CABLES1: variants seen among roughly 807,000 people sequenced by gnomAD.
The protein encoded by CABLES1 is Cdk5 and Abl enzyme substrate 1, also known as CDK5 and ABL1 enzyme substrate 1.
Under a neutral mutation model 57.8 loss-of-function variants are expected in CABLES1, and 36 were observed. The ratio of observed to expected loss-of-function variants is 0.62; its 90% CI spans 0.48 to 0.82. The LOEUF (loss-of-function observed/expected upper bound fraction) is 0.82, where lower values mean the gene tolerates loss of function less well. CABLES1 is among the 40% of genes least tolerant of loss of function. The probability of loss-of-function intolerance (pLI) is 0.00; values close to 1 mark genes in which losing one functional copy is unlikely to be tolerated. For synonymous variants in CABLES1, 374 were observed against 363.0 expected, an observed-to-expected ratio of 1.03 and a Z score of -0.35; for missense variants, 767 against 836.6, an observed-to-expected ratio of 0.92 and a Z score of 1.03.
intron 2 of CABLES1, among the ~76,000 whole-genome samples, chr18:23,190,889 A>T (rs2047237825): frequency 6.6e-6 from 1 of 152,092 alleles, no homozygotes; most frequent in Non-Finnish European, 1.5e-5. Context: ...AGCCTGGGCA[A>T]TGTAGTGAGA....
In CABLES1 at chr18:23,136,148, C is replaced by T. The variant is rs2046818724; in HGVS notation, c.386C>T (p.Ala129Val). ...CIALAAPGTP[A>V]AGLAAGSGPC... is the part of the protein sequence containing the mutation. ...GCGCTCGCCGCGCCGGGCACGCCGG[C>T]TGCGGGGTTAGCCGCTGGGTCCGGC... is the stretch of plus-strand genomic sequence containing the variant. The change falls in exon 1 of 10, where the codon GCT (alanine) becomes GTT (valine). Residue 129 changes from alanine (A) to valine (V), a missense_variant. Coordinates refer to ENST00000256925, the MANE Select transcript of CABLES1 (RefSeq NM_001100619.3). 1 of 1,207,840 alleles carries T rather than the reference C, an allele frequency of 8.3e-7. No homozygotes were observed. Among genetic ancestry groups the T allele is most frequent in the Admixed American group, 4.4e-5 (1 of 22,670 alleles). 74.8% of individuals were successfully genotyped at this position (1,207,840 alleles called of 1,614,324 possible). A position where few individuals can be genotyped will look rare whatever the true frequency, so the allele number is the denominator to read the frequency against.
At chr18:23,189,311 C>T (rs992754157) in intron 2 of CABLES1, 3 of 174,414 alleles carry the variant, frequency 1.7e-5, no homozygotes, top group South Asian at 1.3e-4. Context: ...ACCACGATGT[C>T]GCTCCCTGGC....
rs746668866 is a variant in CABLES1 at position 23,188,825 on chromosome 18, C to T, written c.846-13C>T. Reference sequence around the variant, plus strand: ...GCAGTTTTAACTCCCAGATTTTTTCCTTCTTTCTGCAGACGGCGCCTCATC... The same window carrying T: ...GCAGTTTTAACTCCCAGATTTTTTCTTTCTTTCTGCAGACGGCGCCTCATC... On this transcript the variant is annotated splice_polypyrimidine_tract_variant and intron_variant, in intron 1 of 9. Coordinates refer to ENST00000256925, the MANE Select transcript of CABLES1 (RefSeq NM_001100619.3). 5 of 1,611,238 alleles carry T rather than the reference C, an allele frequency of 3.1e-6. No individual in the cohort carries two copies. Among genetic ancestry groups the T allele is most frequent in the South Asian group, 2.2e-5 (2 of 91,026 alleles).
Position 23,257,003 on chromosome 18 carries a change from A to G in CABLES1, c.1762-224A>G, listed in dbSNP as rs182128940. ...AGGATTAAATGATGTCATAAGATGTATGTGTGGTTCCGGGCAGCCCCTCGG... is the reference window on the plus strand; with the variant it reads ...AGGATTAAATGATGTCATAAGATGTGTGTGTGGTTCCGGGCAGCCCCTCGG... On this transcript the variant is annotated intron_variant, in intron 9 of 9. Transcript: ENST00000256925. Among the ~76,000 whole-genome samples the G allele has an allele frequency of 2.4e-3, 372 of 152,296 alleles. 3 individuals are homozygous for G. The highest frequency in any genetic ancestry group is 8.3e-3 in the African/African-American group (343 of 41,560).
rs1443075159 is a variant in CABLES1 at position 23,257,359 on chromosome 18, A to G, written c.1894A>G (p.Ser632Gly). The change falls in exon 10 of 10, where the codon AGT (serine) becomes GGT (glycine). Residue 632 changes from serine to glycine, a missense_variant. By Grantham distance (56) the Ser-to-Gly change is moderately conservative (BLOSUM62 0). Transcript: ENST00000256925. ...GCCCCACTACAGACGGCTGGTCCAG[A>G]GTTCCTAGCACTGGCCCCGAGGACA... is the stretch of plus-strand genomic sequence containing the variant. ...VMPHYRRLVQ[S>G]S 14 of 1,607,134 alleles carry G rather than the reference A, an allele frequency of 8.7e-6. No individual in the cohort carries two copies. The highest frequency in any genetic ancestry group is 1.1e-5 in the Non-Finnish European group (13 of 1,178,204).
At chr18:23,248,227 G>T (rs1188983701) in intron 7 of CABLES1, among the ~76,000 whole-genome samples, 2 of 152,196 alleles carry the variant, frequency 1.3e-5, no homozygotes, top group Non-Finnish European at 2.9e-5. Flanking sequence ...CAACGGATCG[G>T]ATATCGTCAG....
chr18:23,223,534 C>T (rs1598838869), intron 4 of CABLES1, among the ~76,000 whole-genome samples: 2 of 149,340 alleles, frequency 1.3e-5, no homozygotes, highest in South Asian at 4.3e-4. Flanking sequence ...GCCGAGATCT[C>T]GCCATTGCAT....
rs747929818 is a variant in CABLES1 at position 23,257,201 on chromosome 18, T to C, written c.1762-26T>C. ...TAGGATTTTAATTTCAAAATGAACA[T>C]GCTTTTGATTTTCTTTTTGTTGCAG... is the stretch of plus-strand genomic sequence containing the variant. On this transcript the variant is annotated intron_variant, in intron 9 of 9. Coordinates refer to ENST00000256925, the MANE Select transcript of CABLES1 (RefSeq NM_001100619.3). 8.1e-6 allele frequency: 13 copies of C among 1,606,176 alleles called. No homozygotes were observed. The Admixed American group carries it at 1.2e-4, about 15-fold the overall frequency.
intron 1 of CABLES1, among the ~76,000 whole-genome samples, chr18:23,153,062 A>G (rs2046941492): frequency 6.6e-6 from 1 of 151,504 alleles, no homozygotes; most frequent in South Asian, 2.1e-4. Context: ...GGCCTCCTGA[A>G]GTGCTGGGAT....
chr18:23,255,970 A>T (rs538058751), intron 9 of CABLES1, among the ~76,000 whole-genome samples: 1 of 152,226 alleles, frequency 6.6e-6, no homozygotes, highest in Non-Finnish European at 1.5e-5. Context: ...ACTTTACCTT[A>T]TTCAAGGTGC....
chr18:23,169,984 AG>A (rs1296667185), intron 1 of CABLES1, among the ~76,000 whole-genome samples: 8 of 152,026 alleles, frequency 5.3e-5, no homozygotes, highest in South Asian at 2.1e-4. Context: ...GCCGCGTGGG[AG>A]GGGGTAGGAT....
intron 7 of CABLES1, among the ~76,000 whole-genome samples, chr18:23,250,952 T>C (rs999458180): frequency 6.6e-6 from 1 of 152,224 alleles, no homozygotes; most frequent in East Asian, 1.9e-4. Context: ...TGCCTCCTCC[T>C]TGCTACTAAC....
intron 1 of CABLES1, among the ~76,000 whole-genome samples, chr18:23,173,116 A>G (rs2047094878): frequency 6.6e-6 from 1 of 152,188 alleles, no homozygotes; most frequent in South Asian, 2.1e-4. Flanking sequence ...GAGAGGGTGG[A>G]TGAAATGTGG....
At chr18:23,245,371 C>T (rs927057912) in intron 7 of CABLES1, among the ~76,000 whole-genome samples, 25 of 152,108 alleles carry the variant, frequency 1.6e-4, no homozygotes, top group Non-Finnish European at 3.2e-4. Flanking sequence ...AATAGCCAGG[C>T]GTGGTGGCGT....
chr18:23,155,092 AT>A (rs1383056771), intron 1 of CABLES1, among the ~76,000 whole-genome samples: 1 of 152,228 alleles, frequency 6.6e-6, no homozygotes, highest in Non-Finnish European at 1.5e-5. Context: ...GAGCAGCAGC[AT>A]TTCACAGAGC....
intron 3 of CABLES1, among the ~76,000 whole-genome samples, chr18:23,196,058 G>A (rs2047280201): frequency 6.6e-6 from 1 of 152,196 alleles, no homozygotes; most frequent in South Asian, 2.1e-4. Flanking sequence ...AATTACCCCA[G>A]CATGGTTAGG....
At chr18:23,178,991 A>C (rs2047144525) in intron 1 of CABLES1, among the ~76,000 whole-genome samples, 2 of 152,238 alleles carry the variant, frequency 1.3e-5, no homozygotes, top group African/African-American at 4.8e-5. Context: ...GCCAGATTCA[A>C]AACCAGTTTC....
intron 1 of CABLES1, among the ~76,000 whole-genome samples, chr18:23,138,406 C>T (rs1194731373): frequency 6.6e-6 from 1 of 152,180 alleles, no homozygotes; most frequent in East Asian, 1.9e-4. Flanking sequence ...TGCTTCTTTA[C>T]CTGACAGTCA....
At chr18:23,237,070 C>G in intron 6 of CABLES1, 72 bp from the exon 7 acceptor site, 1 of 908,328 alleles carries the variant, frequency 1.1e-6, no homozygotes, top group Non-Finnish European at 1.9e-6. Context: ...ACTTGGCATT[C>G]TCCTGGCTGT....
Sources: allele counts gnomAD v4.1 joint callset (sites outside exome capture counted in the v4.1 genomes callset), GRCh38; gene constraint gnomAD v4.1.1; transcripts MANE v1.5; gene names NCBI Gene and HGNC (gene_info 2026-07-23, HGNC 2026-07-21).